NAV3: variants seen among roughly 807,000 people sequenced by gnomAD.
The protein encoded by NAV3 is pore membrane and/or filament interacting like protein 1.
In NAV3, 87 loss-of-function variants were observed where a neutral mutation model predicts 244.7. The ratio of observed to expected loss-of-function variants is 0.36; its 90% CI spans 0.30 to 0.42. NAV3 has a LOEUF of 0.42. Ranked by LOEUF, NAV3 falls within the 20% of genes least tolerant of loss-of-function variation. The pLI, the probability that NAV3 is intolerant of heterozygous loss-of-function variation, is 1.00. For synonymous variants in NAV3, 1,126 were observed against 1,042.2 expected, an observed-to-expected ratio of 1.08 and a Z score of -1.55; for missense variants, 2,663 against 2,893.3, an observed-to-expected ratio of 0.92 and a Z score of 1.83.
At position 77,606,812 on chromosome 12, in the gene NAV3, C is replaced by T. The variant is rs146996538; in HGVS notation, c.72+34546C>T. Among the ~76,000 whole-genome samples, 321 of 152,162 alleles carry T rather than the reference C, an allele frequency of 2.1e-3. 2 individuals carry two copies. The highest frequency in any genetic ancestry group is 3.8e-3 in the Non-Finnish European group (257 of 67,986). On this transcript the variant is annotated intron_variant, in intron 2 of 8. Transcript: ENST00000550042. ...TTAAGGGAGCAAAATGGCTGTAATC[C>T]GTTAGAGCAAGAGAATCTATGTCCC...
intron 18 of NAV3, among the ~76,000 whole-genome samples, chr12:78,131,886 A>G (rs933389582): frequency 3.9e-5 from 6 of 152,220 alleles, no homozygotes; most frequent in Non-Finnish European, 8.8e-5. Flanking sequence ...AGTAGCATTC[A>G]TCAGATATGC....
chr12:78,205,357 A>T (rs1960185089), intron 39 of NAV3, among the ~76,000 whole-genome samples: 1 of 152,156 alleles, frequency 6.6e-6, no homozygotes, highest in South Asian at 2.1e-4. Context: ...AACCAGAATG[A>T]ACTCCTAGAC....
At chr12:77,924,716 TAAAAAG>T (rs1277172394) in intron 1 of NAV3, among the ~76,000 whole-genome samples, 1 of 152,080 alleles carries the variant, frequency 6.6e-6, no homozygotes, top group African/African-American at 2.4e-5. Context: ...TCAATGCAAT[TAAAAAG>T]AAAGTAGTCG....
chr12:78,145,403 A>T (rs1224431891), intron 20 of NAV3, among the ~76,000 whole-genome samples: 1 of 152,212 alleles, frequency 6.6e-6, no homozygotes, highest in East Asian at 1.9e-4. Flanking sequence ...AGTAAAAAAC[A>T]GTTCAGGTAG....
intron 2 of NAV3, among the ~76,000 whole-genome samples, chr12:77,649,139 C>A (rs1872719801): frequency 6.6e-6 from 1 of 152,118 alleles, no homozygotes; most frequent in South Asian, 2.1e-4. Context: ...GACCACACTG[C>A]TCACAGATGG....
At chr12:78,094,722 A>G (rs1954140006) in intron 12 of NAV3, among the ~76,000 whole-genome samples, 1 of 152,150 alleles carries the variant, frequency 6.6e-6, no homozygotes, top group Non-Finnish European at 1.5e-5. Context: ...AATATCTAAC[A>G]TTAGTTCCTT....
At chr12:77,859,244 A>G (rs1878842025) in intron 1 of NAV3, among the ~76,000 whole-genome samples, 2 of 152,060 alleles carry the variant, frequency 1.3e-5, no homozygotes, top group South Asian at 2.1e-4. Flanking sequence ...ATATTTTATC[A>G]TATTCATAAA....
chr12:77,707,406 G>T (rs988965130), intron 2 of NAV3, among the ~76,000 whole-genome samples: 12 of 152,090 alleles, frequency 7.9e-5, no homozygotes, highest in Non-Finnish European at 1.8e-4. Context: ...TTTTCTGGCT[G>T]CAGAGTATTC....
chr12:78,212,882 G>T lies in NAV3; in HGVS notation c.*2365G>T, dbSNP rs141597633. 1 of 152,714 alleles carries T rather than the reference G, an allele frequency of 6.5e-6. No homozygotes were observed. Among genetic ancestry groups the T allele is most frequent in the Non-Finnish European group, 1.5e-5 (1 of 68,030 alleles). The allele number at this position is 152,714 out of a possible 1,614,324, so 9.5% of individuals were successfully genotyped here. A position where few individuals can be genotyped will look rare whatever the true frequency, so the allele number is the denominator to read the frequency against. Reference sequence around the variant, plus strand: ...TTGGTGTCAATGGACTTAACTGGATGATGTATTTTCTATTGGTTTATTGTT... The same window carrying T: ...TTGGTGTCAATGGACTTAACTGGATTATGTATTTTCTATTGGTTTATTGTT... On this transcript the variant is annotated 3_prime_UTR_variant, in exon 40 of 40. Transcript: ENST00000397909.
chr12:78,127,359 G>T (rs1299141353), intron 17 of NAV3, 151 bp downstream of exon 17: 5 of 711,046 alleles, frequency 7.0e-6, no homozygotes, highest in Non-Finnish European at 7.0e-6. Context: ...GGCCCGAACA[G>T]TTGGTGAGAT....
chr12:77,991,244 T>C (rs1871387634), intron 5 of NAV3, among the ~76,000 whole-genome samples: 1 of 152,052 alleles, frequency 6.6e-6, no homozygotes, highest in Non-Finnish European at 1.5e-5. Flanking sequence ...CAGGCTGGTC[T>C]CAAAATCCTG....
chr12:78,206,854 C>CTTTTTTTTTTTTTTTTTTTTTTT (rs10594185), intron 39 of NAV3, among the ~76,000 whole-genome samples: 3 of 114,840 alleles, frequency 2.6e-5, no homozygotes, highest in Non-Finnish European at 3.5e-5. Flanking sequence ...TTCTTTCTTA[C>CTTTTTTTTTTTTTTTTTTTTTTT]TTTTTTTTTT....
intron 9 of NAV3, among the ~76,000 whole-genome samples, chr12:78,027,948 TTTTTGTTTTG>T (rs962465952): frequency 5.6e-4 from 85 of 152,270 alleles, no homozygotes; most frequent in African/African-American, 1.2e-3. Flanking sequence ...GAAGCGTTTT[TTTTTGTTTTG>T]TTTTGTTTTG....
intron 2 of NAV3, among the ~76,000 whole-genome samples, chr12:77,741,323 A>G (rs1189830214): frequency 6.6e-6 from 1 of 152,038 alleles, no homozygotes; most frequent in African/African-American, 2.4e-5. Context: ...ACTACATGTT[A>G]TTATTATAAA....
intron 12 of NAV3, among the ~76,000 whole-genome samples, chr12:78,089,496 G>A (rs1255459262): frequency 6.6e-6 from 1 of 152,112 alleles, no homozygotes; most frequent in African/African-American, 2.4e-5. Context: ...AAAATATACT[G>A]TATTTAACTT....
chr12:77,997,507 T>C (rs11107760), intron 6 of NAV3, among the ~76,000 whole-genome samples: 56,460 of 151,972 alleles, frequency 0.37, 11,338 homozygotes, highest in South Asian at 0.44. Context: ...CACCTCTAAT[T>C]ATAAGATAGT....
intron 5 of NAV3, among the ~76,000 whole-genome samples, chr12:77,974,471 T>G (rs1893290276): frequency 6.7e-6 from 1 of 150,028 alleles, no homozygotes. Flanking sequence ...TTTTTTTTTG[T>G]AATTTTTGTG....
intron 2 of NAV3, among the ~76,000 whole-genome samples, chr12:77,623,113 T>G (rs1327889587): frequency 6.6e-6 from 1 of 152,212 alleles, no homozygotes; most frequent in East Asian, 1.9e-4. Context: ...TTTGGATGTC[T>G]TGGTATAGGA....
In NAV3 at chr12:77,831,655, G is replaced by T. The variant is rs200146862; in HGVS notation, c.194G>T (p.Gly65Val). The change falls in exon 1 of 40, where the codon GGA becomes GTA. Residue 65 changes from glycine (G) to valine (V), a missense_variant. Transcript: ENST00000397909. ...GCGTTAAAATCAACCTGTGAATTTGGAGAGAAGAAACCCCTCCAAGGAAAA... is the reference window on the plus strand; with the variant it reads ...GCGTTAAAATCAACCTGTGAATTTGTAGAGAAGAAACCCCTCCAAGGAAAA... ...QLALKSTCEF[G>V]EKKPLQGKAK... 8 of 1,613,688 alleles carry T rather than the reference G, an allele frequency of 5.0e-6. No homozygotes were observed. The highest frequency in any genetic ancestry group is 6.8e-6 in the Non-Finnish European group (8 of 1,179,900).
Sources: allele counts gnomAD v4.1 joint callset (sites outside exome capture counted in the v4.1 genomes callset), GRCh38; gene constraint gnomAD v4.1.1; transcripts MANE v1.5; gene names NCBI Gene and HGNC (gene_info 2026-07-23, HGNC 2026-07-21).